The following KCND3 variants were observed in gnomAD, a reference collection of about 807,000 sequenced individuals.
KCND3 encodes potassium voltage-gated channel subfamily D member 3.
Under a neutral mutation model 51.1 loss-of-function variants are expected in KCND3, and 9 were observed. That is an observed-to-expected ratio of 0.18 (90% confidence interval 0.11 to 0.31). KCND3 has a LOEUF of 0.31. Ranked by LOEUF, KCND3 falls within the 10% of genes least tolerant of loss-of-function variation. The probability of loss-of-function intolerance (pLI) is 1.00; values close to 1 mark genes in which losing one functional copy is unlikely to be tolerated. For missense variants in KCND3, 526 were observed against 903.8 expected, an observed-to-expected ratio of 0.58 and a Z score of 5.36; for synonymous variants, 349 against 368.0, an observed-to-expected ratio of 0.95 and a Z score of 0.59.
intron 2 of KCND3, among the ~76,000 whole-genome samples, chr1:111,859,366 C>G (rs142484777): frequency 6.6e-6 from 1 of 152,320 alleles, no homozygotes; most frequent in East Asian, 1.9e-4. Context: ...CAGGGAAGGG[C>G]TGGGACTGGC....
chr1:111,796,236 G>A (rs1035908275), intron 2 of KCND3, among the ~76,000 whole-genome samples: 2 of 152,000 alleles, frequency 1.3e-5, no homozygotes, highest in Non-Finnish European at 1.5e-5. Context: ...AATTACTTTC[G>A]GCATCTTTGT....
chr1:111,860,100 A>T (rs937326880), intron 2 of KCND3, among the ~76,000 whole-genome samples: 2 of 152,242 alleles, frequency 1.3e-5, no homozygotes, highest in Non-Finnish European at 2.9e-5. Flanking sequence ...ACCGTCTTAG[A>T]TACTACCAAC....
intron 2 of KCND3, among the ~76,000 whole-genome samples, chr1:111,976,860 G>T (rs1412954909): frequency 6.6e-6 from 1 of 152,208 alleles, no homozygotes; most frequent in Non-Finnish European, 1.5e-5. Flanking sequence ...CCTTACATTG[G>T]CTGATGTGCA....
chr1:111,805,818 G>C (rs1427277002), intron 2 of KCND3, among the ~76,000 whole-genome samples: 1 of 152,228 alleles, frequency 6.6e-6, no homozygotes, highest in Non-Finnish European at 1.5e-5. Context: ...ACCTGCATGT[G>C]GGGGACAAGT....
intron 2 of KCND3, among the ~76,000 whole-genome samples, chr1:111,958,847 G>T (rs1219670277): frequency 6.6e-6 from 1 of 152,204 alleles, no homozygotes; most frequent in Non-Finnish European, 1.5e-5. Context: ...CCTGAACTGG[G>T]TTCTGAGGGT....
At chr1:111,913,007 G>A (rs1223200449) in intron 2 of KCND3, among the ~76,000 whole-genome samples, 1 of 152,150 alleles carries the variant, frequency 6.6e-6, no homozygotes. Context: ...TAATGTCTCA[G>A]GCCTTCATAT....
At chr1:111,844,439 C>A (rs1014529715) in intron 2 of KCND3, among the ~76,000 whole-genome samples, 1 of 152,284 alleles carries the variant, frequency 6.6e-6, no homozygotes, top group Non-Finnish European at 1.5e-5. Context: ...CATTTTTCAG[C>A]TTTCTGGTCG....
At chr1:111,820,532 T>C (rs1293087034) in intron 2 of KCND3, among the ~76,000 whole-genome samples, 1 of 152,124 alleles carries the variant, frequency 6.6e-6, no homozygotes, top group African/African-American at 2.4e-5. Context: ...TACAGTGGAG[T>C]GCACTGAGGT....
chr1:111,908,917 G>T (rs1415986943), intron 2 of KCND3, among the ~76,000 whole-genome samples: 1 of 135,978 alleles, frequency 7.4e-6, no homozygotes, highest in Non-Finnish European at 1.6e-5. Flanking sequence ...GCTAAGTTCT[G>T]TTTCAAAATG....
intron 2 of KCND3, among the ~76,000 whole-genome samples, chr1:111,889,467 A>T (rs1283107677): frequency 6.6e-6 from 1 of 152,244 alleles, no homozygotes; most frequent in Non-Finnish European, 1.5e-5. Context: ...CAGGAAGTTG[A>T]GCTTCTAGTA....
At chr1:111,808,962 C>G (rs1406488543) in intron 2 of KCND3, among the ~76,000 whole-genome samples, 1 of 152,262 alleles carries the variant, frequency 6.6e-6, no homozygotes, top group East Asian at 1.9e-4. Context: ...TGACCCCATC[C>G]TCCACCCCTA....
rs1675044313 is a variant in KCND3, at chr1:111,982,861, G to A, written c.-72-63C>T. 3 of 1,263,142 alleles carry A rather than the reference G, an allele frequency of 2.4e-6. No individual in the cohort carries two copies. Among genetic ancestry groups the A allele is most frequent in the Non-Finnish European group, 3.3e-6 (3 of 903,572 alleles). 78.2% of individuals were successfully genotyped at this position (1,263,142 alleles called of 1,614,324 possible). A position where few individuals can be genotyped will look rare whatever the true frequency, so the allele number is the denominator to read the frequency against. On this transcript the variant is annotated intron_variant, in intron 1 of 7. Coordinates refer to ENST00000302127, the MANE Select transcript of KCND3 (RefSeq NM_001378969.1). This position sits in a 1 kb window ranked among gnomAD's most constrained non-coding sequence, Gnocchi z 8.5. ...CATATCGACTGGCAGGTAAGAAATGGGACACAGGAAAGGATCACTGGTGAG... is the reference window on the plus strand; with the variant it reads ...CATATCGACTGGCAGGTAAGAAATGAGACACAGGAAAGGATCACTGGTGAG...
At chr1:111,842,272 C>T (rs556869712) in intron 2 of KCND3, among the ~76,000 whole-genome samples, 24 of 152,294 alleles carry the variant, frequency 1.6e-4, no homozygotes, top group African/African-American at 5.3e-4. Context: ...GCTGTCCAGG[C>T]CCCCCAACCC....
At chr1:111,926,652 C>T (rs1671711715) in intron 2 of KCND3, among the ~76,000 whole-genome samples, 1 of 152,258 alleles carries the variant, frequency 6.6e-6, no homozygotes, top group Non-Finnish European at 1.5e-5. Context: ...CCTGCAGGGC[C>T]AGGTGAGGAC....
At chr1:111,976,678 G>C (rs1022441750) in intron 2 of KCND3, among the ~76,000 whole-genome samples, 7 of 152,234 alleles carry the variant, frequency 4.6e-5, no homozygotes, top group Non-Finnish European at 7.3e-5. Flanking sequence ...GGCTACAAGA[G>C]GAGGCAAGAG....
intron 2 of KCND3, among the ~76,000 whole-genome samples, chr1:111,815,031 G>C (rs4421590): frequency 0.52 from 79,602 of 152,134 alleles, 22,742 homozygotes; most frequent in Non-Finnish European, 0.62. Flanking sequence ...CTCTGTTTAG[G>C]CTGCTCCTGC....
intron 2 of KCND3, among the ~76,000 whole-genome samples, chr1:111,941,694 G>C (rs1371218782): frequency 1.3e-5 from 2 of 152,168 alleles, no homozygotes; most frequent in Non-Finnish European, 1.5e-5. Context: ...GAGCCAACGA[G>C]GGGGACCCCG....
intron 2 of KCND3, among the ~76,000 whole-genome samples, chr1:111,923,904 T>G (rs756610929): frequency 1.3e-5 from 2 of 152,130 alleles, no homozygotes; most frequent in Admixed American, 1.3e-4. Flanking sequence ...AGCACCACCA[T>G]GCAGAGGGGG....
At chr1:111,984,722 T>C (rs752093977) in intron 1 of KCND3, among the ~76,000 whole-genome samples, 3 of 152,158 alleles carry the variant, frequency 2.0e-5, no homozygotes, top group African/African-American at 4.8e-5. Flanking sequence ...GCACCCATCC[T>C]AGTATCCAGC....
Sources: allele counts gnomAD v4.1 joint callset (sites outside exome capture counted in the v4.1 genomes callset), GRCh38; gene constraint gnomAD v4.1.1; non-coding constraint Gnocchi (gnomAD v3.1); transcripts MANE v1.5; gene names NCBI Gene and HGNC (gene_info 2026-07-23, HGNC 2026-07-21).